The following MBD5 variants were observed in gnomAD, a reference collection of about 807,000 sequenced individuals.
MBD5 encodes methyl-CpG binding domain protein 5, also known as methyl-CpG-binding domain protein 5.
A neutral mutation model predicts 117.3 loss-of-function variants in MBD5; 13 were observed. The ratio of observed to expected loss-of-function variants is 0.11; its 90% CI spans 0.07 to 0.18. MBD5 has a LOEUF of 0.18. Among genes scored for constraint, MBD5 ranks in the 10% least tolerant of loss-of-function variants. The pLI is 1.00. For synonymous variants in MBD5, 727 were observed against 766.4 expected (o/e 0.95, Z 0.85); for missense variants, 1,879 against 2,093.8 (o/e 0.90, Z 2.00).
intron 2 of MBD5, among the ~76,000 whole-genome samples, chr2:148,215,013 G>T (rs17334363): frequency 0.054 from 8,224 of 152,156 alleles, 339 homozygotes; most frequent in Middle Eastern, 0.088. Context: ...CTTGACTATG[G>T]CAGGGCTCCC....
intron 3 of MBD5, among the ~76,000 whole-genome samples, chr2:148,258,605 G>A (rs1009735131): frequency 1.3e-5 from 2 of 152,168 alleles, no homozygotes; most frequent in African/African-American, 4.8e-5. Context: ...AGTAGTCTTT[G>A]AGGTAAAGCA....
chr2:148,268,078 T>A (rs1202370255), intron 3 of MBD5, among the ~76,000 whole-genome samples: 2 of 151,780 alleles, frequency 1.3e-5, no homozygotes, highest in African/African-American at 4.8e-5. Context: ...GCCTCCTGAG[T>A]AGCTGAGACC....
intron 1 of MBD5, among the ~76,000 whole-genome samples, chr2:148,154,098 T>C (rs1280525941): frequency 0.066 from 747 of 11,268 alleles, 6 homozygotes; most frequent in Non-Finnish European, 0.26. Context: ...TTGATGATGG[T>C]GATGTACAGA....
At chr2:148,145,512 T>C (rs1446820267) in intron 1 of MBD5, among the ~76,000 whole-genome samples, 1 of 152,218 alleles carries the variant, frequency 6.6e-6, no homozygotes, top group Admixed American at 6.5e-5. Flanking sequence ...AGAGAGGGCA[T>C]CCCTGCCTTG....
chr2:148,467,693 C>A (rs1313121639), intron 7 of MBD5, among the ~76,000 whole-genome samples: 1 of 152,056 alleles, frequency 6.6e-6, no homozygotes, highest in African/African-American at 2.4e-5. Context: ...TGCATTTATT[C>A]TTCTTATTAC....
At chr2:148,371,836 G>A (rs1438073648) in intron 4 of MBD5, among the ~76,000 whole-genome samples, 4 of 152,122 alleles carry the variant, frequency 2.6e-5, no homozygotes, top group Non-Finnish European at 1.5e-5. Context: ...TATACATGTA[G>A]TGAACTTCCT....
At chr2:148,474,169 T>G (rs1680884074) in intron 8 of MBD5, among the ~76,000 whole-genome samples, 1 of 152,184 alleles carries the variant, frequency 6.6e-6, no homozygotes, top group Non-Finnish European at 1.5e-5. Context: ...GCACATGTCC[T>G]ATAATATTAT....
intron 1 of MBD5, among the ~76,000 whole-genome samples, chr2:148,099,293 G>A (rs374760819): frequency 1.1e-4 from 17 of 152,200 alleles, no homozygotes; most frequent in East Asian, 1.9e-4. Flanking sequence ...TTAGTTAGAT[G>A]TGCATTATTT....
intron 3 of MBD5, among the ~76,000 whole-genome samples, chr2:148,326,861 G>T (rs1702466261): frequency 6.7e-6 from 1 of 150,082 alleles, no homozygotes; most frequent in East Asian, 1.9e-4. Flanking sequence ...TGTTATGTGT[G>T]AATTTGATCC....
intron 4 of MBD5, among the ~76,000 whole-genome samples, chr2:148,386,895 T>G (rs1024404216): frequency 6.6e-6 from 1 of 152,044 alleles, no homozygotes; most frequent in Non-Finnish European, 1.5e-5. Context: ...CTGTAAATAT[T>G]AAAGAATCAA....
In MBD5 at chr2:148,356,813, T is replaced by C. The variant is rs577279020; in HGVS notation, c.-557+14477T>C. ...GCTCTTCCAGAGTCTTGACATCCTC[T>C]GGCTGCACAACTGTCATCCTGAGAC... On this transcript the variant is annotated intron_variant, in intron 4 of 13. Coordinates refer to ENST00000642680, the MANE Select transcript of MBD5 (RefSeq NM_001378120.1). Among the ~76,000 whole-genome samples, 312 of 152,284 alleles carry C rather than the reference T, an allele frequency of 2.0e-3. 1 individual carries two copies. The highest frequency in any genetic ancestry group is 1.6e-3 in the Non-Finnish European group (107 of 68,014).
intron 1 of MBD5, among the ~76,000 whole-genome samples, chr2:148,067,452 T>C (rs144125112): frequency 6.6e-6 from 1 of 152,330 alleles, no homozygotes; most frequent in East Asian, 1.9e-4. Flanking sequence ...TAAAATTTTC[T>C]TAAGTTCTGA....
At chr2:148,470,712 A>G (rs930999360) in intron 8 of MBD5, 1 of 507,882 alleles carries the variant, frequency 2.0e-6, no homozygotes, top group African/African-American at 2.0e-5. Flanking sequence ...ATATTGTTCG[A>G]CTTTCACTTG....
intron 3 of MBD5, chr2:148,264,236 G>C (rs1006990071): frequency 6.6e-6 from 1 of 152,162 alleles, no homozygotes; most frequent in Non-Finnish European, 1.5e-5. Flanking sequence ...GGAGGCCTGT[G>C]TGCTACAATC....
intron 1 of MBD5, chr2:148,054,842 C>T (rs543039597): frequency 6.6e-6 from 1 of 152,158 alleles, no homozygotes; most frequent in African/African-American, 2.4e-5. Flanking sequence ...AAATTCACTA[C>T]GTTTTCCAAA....
In MBD5 at chr2:148,469,515, A is replaced by G; in HGVS notation, c.1572A>G (p.Pro524=). ...GHHQYKDIPN[P]LIAGISNVLN... ...ATCAGTACAAGGATATCCCTAACCC[A>G]TTAATTGCTGGAATAAGTAATGTAC... is the stretch of plus-strand genomic sequence containing the variant. Residue 524 remains proline (P), a synonymous_variant, in exon 8 of 14, where the codon CCA becomes CCG. Coordinates refer to ENST00000642680, the MANE Select transcript of MBD5 (RefSeq NM_001378120.1). 3 of 1,613,794 alleles carry G rather than the reference A, an allele frequency of 1.9e-6. No individual in the cohort carries two copies. Among genetic ancestry groups the G allele is most frequent in the Non-Finnish European group, 2.5e-6 (3 of 1,179,912 alleles).
chr2:148,380,523 G>T (rs778761117), intron 4 of MBD5, among the ~76,000 whole-genome samples: 3 of 152,076 alleles, frequency 2.0e-5, no homozygotes, highest in Non-Finnish European at 4.4e-5. Flanking sequence ...ATTAACCAAA[G>T]AAGAAATACT....
chr2:148,120,505 C>A (rs754619721), intron 1 of MBD5, among the ~76,000 whole-genome samples: 1 of 152,168 alleles, frequency 6.6e-6, no homozygotes, highest in African/African-American at 2.4e-5. Flanking sequence ...GTAAGTCTAA[C>A]ACTTTTGGTT....
intron 1 of MBD5, among the ~76,000 whole-genome samples, chr2:148,162,860 A>C (rs189275567): frequency 1.4e-3 from 220 of 152,354 alleles, no homozygotes; most frequent in Middle Eastern, 3.4e-3. Flanking sequence ...AGAATTGAAA[A>C]CAATAAAAAA....
Sources: allele counts gnomAD v4.1 joint callset (sites outside exome capture counted in the v4.1 genomes callset), GRCh38; gene constraint gnomAD v4.1.1; transcripts MANE v1.5; gene names NCBI Gene and HGNC (gene_info 2026-07-23, HGNC 2026-07-21).